The following SEMA3D variants were observed in gnomAD, a reference collection of about 807,000 sequenced individuals.
The protein encoded by SEMA3D is semaphorin 3D, also known as semaphorin-3D.
In SEMA3D, 84 loss-of-function variants were observed where a neutral mutation model predicts 100.1. The ratio of observed to expected loss-of-function variants is 0.84; its 90% confidence interval spans 0.70 to 1.01. The LOEUF is 1.01. Ranked by LOEUF, SEMA3D falls within the 50% of genes least tolerant of loss-of-function variation. SEMA3D has a pLI of 0.00. For synonymous variants in SEMA3D, 312 were observed against 320.7 expected (o/e 0.97, Z 0.29); for missense variants, 875 against 934.1 (o/e 0.94, Z 0.82).
At chr7:85,025,834 A>C (rs1434083621) in intron 12 of SEMA3D, among the ~76,000 whole-genome samples, 1 of 152,052 alleles carries the variant, frequency 6.6e-6, no homozygotes, top group Non-Finnish European at 1.5e-5. Flanking sequence ...AGAGACAAAG[A>C]GGCCGGGGCA....
the SEMA3D span, among the ~76,000 whole-genome samples, chr7:85,246,499 G>A: frequency 1.3e-5 from 2 of 151,768 alleles, no homozygotes; most frequent in East Asian, 3.9e-4. Flanking sequence ...ACTAATTGGT[G>A]AAAAATGAAT....
intron 12 of SEMA3D, among the ~76,000 whole-genome samples, chr7:85,032,212 C>A (rs151178859): frequency 1.3e-5 from 2 of 151,824 alleles, no homozygotes; most frequent in African/African-American, 4.8e-5. Context: ...TTATCTGATA[C>A]GCTGTGAAAT....
At chr7:85,114,614 C>T (rs1464107615) in intron 3 of SEMA3D, among the ~76,000 whole-genome samples, 2 of 152,126 alleles carry the variant, frequency 1.3e-5, no homozygotes, top group African/African-American at 4.8e-5. Context: ...TGCATTCAGT[C>T]TCTGCTTCTG....
chr7:85,002,787 T>A (rs1220643165), intron 18 of SEMA3D, among the ~76,000 whole-genome samples: 1 of 152,128 alleles, frequency 6.6e-6, no homozygotes, highest in Non-Finnish European at 1.5e-5. Context: ...TAAATGTAGA[T>A]CTTCAGTGAA....
chr7:85,078,405 C>T (rs752175135), intron 5 of SEMA3D, among the ~76,000 whole-genome samples: 6 of 152,172 alleles, frequency 3.9e-5, no homozygotes, highest in South Asian at 2.1e-4. Flanking sequence ...TTCCGGAGGA[C>T]GCTTTAACTT....
At position 85,128,063 on chromosome 7, in the gene SEMA3D, A is replaced by G. The variant is rs550232313; in HGVS notation, c.-40-6132T>C. ...TTTTATGAAGAGACTTGAATAAAGC[A>G]GAGTAGGAATTATTGAAAATATGAA... On this transcript the variant is annotated intron_variant, in intron 2 of 18. Coordinates refer to ENST00000284136, the MANE Select transcript of SEMA3D (RefSeq NM_001384900.1). Among the ~76,000 whole-genome samples, 4 of 152,122 alleles carry G rather than the reference A, an allele frequency of 2.6e-5. No individual in the cohort carries two copies. In the South Asian group the frequency reaches 8.3e-4, roughly 32 times the overall value.
chr7:85,122,588 C>G (rs1447469654), intron 2 of SEMA3D, among the ~76,000 whole-genome samples: 1 of 152,148 alleles, frequency 6.6e-6, no homozygotes, highest in Non-Finnish European at 1.5e-5. Context: ...CCCATATCAT[C>G]CCCAAATGAA....
At chr7:85,005,539 G>C (rs1789771833) in intron 18 of SEMA3D, among the ~76,000 whole-genome samples, 1 of 152,030 alleles carries the variant, frequency 6.6e-6, no homozygotes, top group South Asian at 2.1e-4. Flanking sequence ...TATTCTTGTA[G>C]CTGTCAGATG....
chr7:85,239,262 G>C, the SEMA3D span, among the ~76,000 whole-genome samples: 1 of 152,036 alleles, frequency 6.6e-6, no homozygotes, highest in African/African-American at 2.4e-5. Context: ...AGGCCTTTTG[G>C]GAAGTGATTA....
intron 4 of SEMA3D, among the ~76,000 whole-genome samples, chr7:85,083,518 T>C (rs1348658277): frequency 2.6e-5 from 4 of 152,198 alleles, no homozygotes; most frequent in African/African-American, 9.6e-5. Context: ...TTATTCATCA[T>C]TGCTGGCAAA....
At chr7:85,249,411 G>A in the SEMA3D span, among the ~76,000 whole-genome samples, 16 of 152,266 alleles carry the variant, frequency 1.1e-4, no homozygotes, top group African/African-American at 3.8e-4. Context: ...AAAAAGGACA[G>A]TAGGAAAAAC....
chr7:85,157,334 G>T (rs998021639), intron 1 of SEMA3D, among the ~76,000 whole-genome samples: 1 of 152,072 alleles, frequency 6.6e-6, no homozygotes, highest in Admixed American at 6.6e-5. Flanking sequence ...ATGTATGAAA[G>T]ATTCTGGTTA....
At chr7:85,090,149 C>T (rs887565742) in intron 4 of SEMA3D, among the ~76,000 whole-genome samples, 1 of 152,050 alleles carries the variant, frequency 6.6e-6, no homozygotes, top group African/African-American at 2.4e-5. Flanking sequence ...TTCTTCCTAC[C>T]ACCTTTAGCA....
intron 7 of SEMA3D, among the ~76,000 whole-genome samples, chr7:85,066,913 C>CAT: frequency 3.9e-5 from 5 of 127,822 alleles, no homozygotes; most frequent in African/African-American, 1.3e-4. Flanking sequence ...CACACACACA[C>CAT]AGAGAGAGAG....
intron 1 of SEMA3D, among the ~76,000 whole-genome samples, chr7:85,180,639 T>C (rs1791375750): frequency 6.6e-6 from 1 of 152,224 alleles, no homozygotes; most frequent in Non-Finnish European, 1.5e-5. Flanking sequence ...ATTATTTATA[T>C]TTTACATGGT....
chr7:85,246,193 A>G, the SEMA3D span, among the ~76,000 whole-genome samples: 9 of 152,076 alleles, frequency 5.9e-5, no homozygotes, highest in African/African-American at 2.2e-4. Context: ...TATGTTTACA[A>G]TTTGTGCTTT....
chr7:85,007,722 A>C (rs1584519456), intron 17 of SEMA3D, among the ~76,000 whole-genome samples: 1 of 151,788 alleles, frequency 6.6e-6, no homozygotes, highest in East Asian at 1.9e-4. Flanking sequence ...CAAATAAAAA[A>C]TGACAGCTGC....
intron 1 of SEMA3D, among the ~76,000 whole-genome samples, chr7:85,184,572 T>C (rs977147131): frequency 1.3e-5 from 2 of 152,170 alleles, no homozygotes; most frequent in African/African-American, 4.8e-5. Context: ...ATATTAATTG[T>C]GATAAAGTTC....
At chr7:85,023,996 A>G (rs1461150620) in intron 12 of SEMA3D, among the ~76,000 whole-genome samples, 1 of 151,950 alleles carries the variant, frequency 6.6e-6, no homozygotes, top group Non-Finnish European at 1.5e-5. Flanking sequence ...CTAGAATATT[A>G]TCCACTTTGC....
Sources: gnomAD v4.1 joint callset for allele counts (sites outside exome capture counted in the v4.1 genomes callset) on GRCh38, gnomAD v4.1.1 for gene constraint, MANE v1.5 for transcripts, NCBI Gene and HGNC (gene_info 2026-07-23, HGNC 2026-07-21) for gene names.